SYNDIG1: variants seen among roughly 807,000 people sequenced by gnomAD.
The protein encoded by SYNDIG1 is synapse differentiation inducing 1.
SYNDIG1 carries 9 observed loss-of-function variants against 19.4 expected under a neutral mutation model. That is an observed-to-expected ratio of 0.46 (90% CI 0.28 to 0.81). SYNDIG1 has a LOEUF of 0.81. Ranked by LOEUF, SYNDIG1 falls within the 30% of genes least tolerant of loss-of-function variation. The probability of loss-of-function intolerance (pLI) is 0.12; values close to 1 mark genes in which losing one functional copy is unlikely to be tolerated. For missense variants in SYNDIG1, 311 were observed against 343.3 expected (o/e 0.91, Z 0.74); for synonymous variants, 141 against 145.9 (o/e 0.97, Z 0.24).
In SYNDIG1 at chr20:24,543,197, G is replaced by A. The variant is rs751870040; in HGVS notation, c.100G>A (p.Glu34Lys). ...AATTAACACCAGAAACTTGATGGCC[G>A]AGAGCAGAGATGGTCTGGTGTCTGT... is the stretch of plus-strand genomic sequence containing the variant. ...GLINTRNLMAESRDGLVSVYP... is the reference protein window; with the variant it reads ...GLINTRNLMAKSRDGLVSVYP... The change falls in exon 2 of 4, where the codon GAG (glutamate) becomes AAG (lysine). Residue 34 changes from glutamate (E) to lysine (K), a missense_variant. Transcript: ENST00000376862. The A allele has an allele frequency of 1.5e-5, 24 of 1,613,944 alleles. No homozygotes were observed. Among genetic ancestry groups the A allele is most frequent in the Admixed American group, 5.0e-5 (3 of 60,002 alleles).
intron 1 of SYNDIG1, among the ~76,000 whole-genome samples, chr20:24,509,183 T>A (rs976392550): frequency 9.9e-5 from 15 of 151,922 alleles, no homozygotes; most frequent in African/African-American, 3.6e-4. Context: ...CTTGAGGGAT[T>A]TAGTGTACAC....
intron 3 of SYNDIG1, among the ~76,000 whole-genome samples, chr20:24,629,203 C>A (rs2059204229): frequency 1.3e-5 from 2 of 152,228 alleles, no homozygotes; most frequent in African/African-American, 2.4e-5. Flanking sequence ...GGAGCCCACA[C>A]ACTCCTCTGT....
At chr20:24,542,699 G>A (rs1568625512) in intron 1 of SYNDIG1, among the ~76,000 whole-genome samples, 1 of 152,100 alleles carries the variant, frequency 6.6e-6, no homozygotes, top group African/African-American at 2.4e-5. Context: ...ATGCGATTGG[G>A]TTTACCTGTG....
At chr20:24,475,021 C>A (rs2055576310) in intron 1 of SYNDIG1, among the ~76,000 whole-genome samples, 1 of 152,188 alleles carries the variant, frequency 6.6e-6, no homozygotes, top group African/African-American at 2.4e-5. Flanking sequence ...TGGAACCACC[C>A]CCCATGCCCC....
chr20:24,554,264 G>C (rs1370978956), intron 2 of SYNDIG1, among the ~76,000 whole-genome samples: 1 of 152,130 alleles, frequency 6.6e-6, no homozygotes, highest in Non-Finnish European at 1.5e-5. Context: ...GGGACAATTT[G>C]ACTTCCTCTT....
At chr20:24,664,082 T>C (rs1408515871) in intron 3 of SYNDIG1, among the ~76,000 whole-genome samples, 2 of 151,864 alleles carry the variant, frequency 1.3e-5, no homozygotes, top group African/African-American at 4.8e-5. Context: ...GACAAAAAGT[T>C]GGGGAGGAAA....
intron 3 of SYNDIG1, among the ~76,000 whole-genome samples, chr20:24,636,443 GT>G (rs1230040437): frequency 4.6e-5 from 7 of 152,200 alleles, no homozygotes; most frequent in Non-Finnish European, 1.0e-4. Flanking sequence ...AGTACATGGG[GT>G]TTTATAGACT....
chr20:24,577,007 T>C lies in SYNDIG1; in HGVS notation c.481-7849T>C, dbSNP rs190208223. Among the ~76,000 whole-genome samples, 664 of 144,718 alleles carry C rather than the reference T, an allele frequency of 4.6e-3. 1 individual carries two copies. Among genetic ancestry groups the C allele is most frequent in the Admixed American group, 9.3e-3 (127 of 13,656 alleles). The allele number at this position is 144,718 out of a possible 152,430, so 94.9% of individuals were successfully genotyped here. A position where few individuals can be genotyped will look rare whatever the true frequency, so the allele number is the denominator to read the frequency against. On this transcript the variant is annotated intron_variant, in intron 2 of 3. Coordinates refer to ENST00000376862, the MANE Select transcript of SYNDIG1 (RefSeq NM_024893.3). ...GCTTGTTTCACACCAGTATGTGAAATATCCTCTTTCTACAAAAAAAAAACT... is the reference window on the plus strand; with the variant it reads ...GCTTGTTTCACACCAGTATGTGAAACATCCTCTTTCTACAAAAAAAAAACT...
At chr20:24,634,098 C>A (rs1187280576) in intron 3 of SYNDIG1, among the ~76,000 whole-genome samples, 1 of 152,224 alleles carries the variant, frequency 6.6e-6, no homozygotes, top group Non-Finnish European at 1.5e-5. Context: ...CTGAACCTCT[C>A]CTCCATGCCC....
At chr20:24,608,872 T>C (rs1177782244) in intron 3 of SYNDIG1, among the ~76,000 whole-genome samples, 1 of 152,128 alleles carries the variant, frequency 6.6e-6, no homozygotes, top group Non-Finnish European at 1.5e-5. Context: ...TAAGATTAGA[T>C]GATGTTCAGA....
intron 3 of SYNDIG1, among the ~76,000 whole-genome samples, chr20:24,646,435 T>C (rs2059423454): frequency 6.6e-6 from 1 of 152,130 alleles, no homozygotes; most frequent in Non-Finnish European, 1.5e-5. Context: ...ATGAATTCCG[T>C]CCCTTGGGTG....
chr20:24,569,234 G>C (rs1169578472), intron 2 of SYNDIG1, among the ~76,000 whole-genome samples: 2 of 152,200 alleles, frequency 1.3e-5, no homozygotes, highest in Admixed American at 6.5e-5. Flanking sequence ...AAGGCAAGAA[G>C]AAAATATTCA....
At chr20:24,537,457 G>A (rs1377873132) in intron 1 of SYNDIG1, among the ~76,000 whole-genome samples, 2 of 150,866 alleles carry the variant, frequency 1.3e-5, no homozygotes, top group African/African-American at 4.9e-5. Context: ...TGCCAGTCTT[G>A]TTTTCTCTGT....
rs145826037 is a variant in SYNDIG1, at chr20:24,532,308, C to A, written c.-78-10712C>A. Among the ~76,000 whole-genome samples, 5 of 152,268 alleles carry A rather than the reference C, an allele frequency of 3.3e-5. No individual in the cohort carries two copies. The East Asian group carries it at 9.7e-4, about 29-fold the overall frequency. ...TTCCGTACCATGGAATATGAGCCCG[C>A]CATGAGAAGAAATGACCTCAAACAC... On this transcript the variant is annotated intron_variant, in intron 1 of 3. Transcript: ENST00000376862.
At chr20:24,496,036 A>G (rs919564852) in intron 1 of SYNDIG1, among the ~76,000 whole-genome samples, 5 of 152,008 alleles carry the variant, frequency 3.3e-5, no homozygotes, top group South Asian at 2.1e-4. Flanking sequence ...TAGTGGAGAC[A>G]GGGTTTCACC....
chr20:24,558,540 T>C (rs1399278054), intron 2 of SYNDIG1, among the ~76,000 whole-genome samples: 2 of 152,238 alleles, frequency 1.3e-5, no homozygotes, highest in African/African-American at 4.8e-5. Flanking sequence ...ATTTCGATGA[T>C]TGGAATAATG....
chr20:24,553,382 G>T (rs1259247209), intron 2 of SYNDIG1, among the ~76,000 whole-genome samples: 8 of 152,184 alleles, frequency 5.3e-5, no homozygotes. Flanking sequence ...TGAAGTCCTT[G>T]CCCATGCCTG....
intron 3 of SYNDIG1, among the ~76,000 whole-genome samples, chr20:24,611,046 C>A (rs1385438540): frequency 2.0e-5 from 3 of 152,180 alleles, no homozygotes; most frequent in African/African-American, 7.2e-5. Flanking sequence ...CTAGCTGAAC[C>A]ACGCGATGCT....
chr20:24,492,373 G>T (rs1463446568), intron 1 of SYNDIG1, among the ~76,000 whole-genome samples: 1 of 152,194 alleles, frequency 6.6e-6, no homozygotes, highest in Non-Finnish European at 1.5e-5. Flanking sequence ...CTGCTGTCTG[G>T]TTCGAGATCA....
Sources: gnomAD v4.1 joint callset for allele counts (sites outside exome capture counted in the v4.1 genomes callset) on GRCh38, gnomAD v4.1.1 for gene constraint, MANE v1.5 for transcripts, NCBI Gene and HGNC (gene_info 2026-07-23, HGNC 2026-07-21) for gene names.